The following NKD1 variants were observed in gnomAD, a reference collection of about 807,000 sequenced individuals.
NKD1 encodes the protein NKD inhibitor of Wnt signaling pathway 1, also known as protein naked cuticle homolog 1.
In NKD1, 21 loss-of-function variants were observed where a neutral mutation model predicts 56.0. The ratio of observed to expected loss-of-function variants is 0.38; its 90% CI spans 0.27 to 0.54. The LOEUF (loss-of-function observed/expected upper bound fraction) is 0.54. Ranked by LOEUF, NKD1 falls within the 20% of genes least tolerant of loss-of-function variation. The pLI is 0.82. For synonymous variants in NKD1, 263 were observed against 265.7 expected, an observed-to-expected ratio of 0.99 and a Z score of 0.10; for missense variants, 578 against 642.7, an observed-to-expected ratio of 0.90 and a Z score of 1.09.
intron 3 of NKD1, among the ~76,000 whole-genome samples, chr16:50,590,588 C>G (rs1407775880): frequency 6.6e-6 from 1 of 152,032 alleles, no homozygotes; most frequent in Non-Finnish European, 1.5e-5. Context: ...TTTAATGCTC[C>G]CAGCAACTCC....
In NKD1 at chr16:50,636,539, G is replaced by A. The variant is rs912295493; in HGVS notation, c.*2758G>A. On this transcript the variant is annotated 3_prime_UTR_variant, in exon 10 of 10. Coordinates refer to ENST00000268459, the MANE Select transcript of NKD1 (RefSeq NM_033119.5). ...GGCCCCTCAGTGTAATGTAGGGGTT[G>A]TGAGCACAGACTTTGGTGCCAGTTT... 6.6e-6 allele frequency: 1 copy of A among 152,196 alleles called. No homozygotes were observed. Among genetic ancestry groups the A allele is most frequent in the East Asian group, 1.9e-4 (1 of 5,192 alleles). 9.4% of individuals were successfully genotyped at this position (152,196 alleles called of 1,614,324 possible). A position where few individuals can be genotyped will look rare whatever the true frequency, so the allele number is the denominator to read the frequency against.
At chr16:50,616,987 C>G (rs370957185) in intron 4 of NKD1, among the ~76,000 whole-genome samples, 4 of 152,184 alleles carry the variant, frequency 2.6e-5, no homozygotes, top group Admixed American at 6.5e-5. Flanking sequence ...AGGAGCTCAC[C>G]CTGTTGTACT....
rs140225089 is a variant in NKD1, at chr16:50,561,933, G to A, written c.192+12378G>A. On this transcript the variant is annotated intron_variant, in intron 3 of 9. Coordinates refer to ENST00000268459, the MANE Select transcript of NKD1 (RefSeq NM_033119.5). ...TGTCCCTTGGGTTTAGGATCCTGGCGGTCACAGTTGGGTCTGGCAGGAACT... is the reference window on the plus strand; with the variant it reads ...TGTCCCTTGGGTTTAGGATCCTGGCAGTCACAGTTGGGTCTGGCAGGAACT... Among the ~76,000 whole-genome samples the A allele has an allele frequency of 3.5e-4, 53 of 152,240 alleles. No homozygotes were observed. In the East Asian group the frequency reaches 9.8e-3, roughly 28 times the overall value.
chr16:50,575,264 T>C, intron 3 of NKD1: 1 of 985,432 alleles, frequency 1.0e-6, no homozygotes, highest in Non-Finnish European at 1.2e-6. Context: ...TGGGGTAACG[T>C]TGGCACTAAA....
intron 3 of NKD1, chr16:50,553,730 G>A (rs1296832336): frequency 6.6e-6 from 1 of 152,286 alleles, no homozygotes; most frequent in Non-Finnish European, 1.5e-5. Context: ...TAAATATTTG[G>A]TGTTTCAGGA....
In NKD1 at chr16:50,642,880, T is replaced by TCC. The variant is rs1962605120; in HGVS notation, c.*9100_*9101insCC. 2 of 152,226 alleles carry TCC rather than the reference T, an allele frequency of 1.3e-5. No individual in the cohort carries two copies. The highest frequency in any genetic ancestry group is 2.9e-5 in the Non-Finnish European group (2 of 68,054). The allele number at this position is 152,226 out of a possible 1,614,324, so 9.4% of individuals were successfully genotyped here. On this transcript the variant is annotated 3_prime_UTR_variant, in exon 10 of 10. Coordinates refer to ENST00000268459, the MANE Select transcript of NKD1 (RefSeq NM_033119.5). ...CTTTTCCCTCTCAAGTTTGATGGGA[T>TCC]CACTCTGTTCCTTCCAGACCCGACT...
intron 3 of NKD1, among the ~76,000 whole-genome samples, chr16:50,562,989 C>CG (rs1274966656): frequency 1.7e-5 from 2 of 119,592 alleles, no homozygotes; most frequent in Non-Finnish European, 3.4e-5. Flanking sequence ...CACCACCACC[C>CG]CCCCCCCCCG....
intron 5 of NKD1, 169 bp from the exon 6 acceptor site, chr16:50,625,316 C>G (rs1350274145): frequency 1.6e-6 from 1 of 615,760 alleles, no homozygotes; most frequent in Non-Finnish European, 2.9e-6. Flanking sequence ...TCTGGCTGCC[C>G]TCCTGGGCCA....
Position 50,646,063 on chromosome 16 carries a change from A to G in NKD1, c.*12282A>G, listed in dbSNP as rs1405290222. ...CTAACAGACAGCCTGGGACCTTTGA[A>G]GTCGGTCTGGCCCAGTGGGGAGCGG... On this transcript the variant is annotated 3_prime_UTR_variant, in exon 10 of 10. Transcript: ENST00000268459. The G allele has an allele frequency of 8.1e-6, 1 of 123,498 alleles. No individual in the cohort carries two copies. Among genetic ancestry groups the G allele is most frequent in the Non-Finnish European group, 1.6e-5 (1 of 62,854 alleles). 7.7% of individuals were successfully genotyped at this position (123,498 alleles called of 1,614,324 possible). A position where few individuals can be genotyped will look rare whatever the true frequency, so the allele number is the denominator to read the frequency against.
At chr16:50,608,575 G>T in intron 4 of NKD1, 1 of 588,756 alleles carries the variant, frequency 1.7e-6, no homozygotes, top group Non-Finnish European at 3.1e-6. Flanking sequence ...GTGGGGGTCC[G>T]GTCACCTAGG....
chr16:50,613,906 T>A (rs576279856), intron 4 of NKD1, among the ~76,000 whole-genome samples: 1 of 152,344 alleles, frequency 6.6e-6, no homozygotes, highest in South Asian at 2.1e-4. Context: ...ACCAGCCTTA[T>A]GCTCTGATGA....
rs991810210 is a variant in NKD1 at position 50,642,239 on chromosome 16, C to T, written c.*8458C>T. 3 of 152,398 alleles carry T rather than the reference C, an allele frequency of 2.0e-5. No individual in the cohort carries two copies. Among genetic ancestry groups the T allele is most frequent in the East Asian group, 3.9e-4 (2 of 5,182 alleles). 9.4% of individuals were successfully genotyped at this position (152,398 alleles called of 1,614,324 possible). On this transcript the variant is annotated 3_prime_UTR_variant, in exon 10 of 10. Transcript: ENST00000268459. ...CTCAGTAGGAGTCTCAGGCCAGGCT[C>T]TGTCTGTGGATTCCCACTTCTCTGG...
chr16:50,576,544 G>C (rs1366553179), intron 3 of NKD1, among the ~76,000 whole-genome samples: 1 of 152,082 alleles, frequency 6.6e-6, no homozygotes, highest in Non-Finnish European at 1.5e-5. Flanking sequence ...CAGGATTTGG[G>C]GTGGAAGCCT....
At chr16:50,563,503 T>C (rs12927098) in intron 3 of NKD1, among the ~76,000 whole-genome samples, 898 of 61,954 alleles carry the variant, frequency 0.014, no homozygotes, top group South Asian at 0.018. Flanking sequence ...GGAGAAGACC[T>C]TGTGTGTCAG....
intron 3 of NKD1, among the ~76,000 whole-genome samples, chr16:50,602,898 C>T (rs941034084): frequency 6.6e-6 from 1 of 152,226 alleles, no homozygotes; most frequent in African/African-American, 2.4e-5. Context: ...TTCCTGACTG[C>T]AGGTTAACAG....
intron 3 of NKD1, among the ~76,000 whole-genome samples, chr16:50,603,110 T>C (rs1212201731): frequency 6.6e-6 from 1 of 152,242 alleles, no homozygotes; most frequent in Non-Finnish European, 1.5e-5. Context: ...CCTAGGCATG[T>C]TGTCTATGTT....
At chr16:50,628,108 C>T (rs565222702) in intron 6 of NKD1, among the ~76,000 whole-genome samples, 4 of 152,128 alleles carry the variant, frequency 2.6e-5, no homozygotes, top group Non-Finnish European at 4.4e-5. Flanking sequence ...GGGTCTCAAA[C>T]TTATGGCCCC....
intron 3 of NKD1, among the ~76,000 whole-genome samples, chr16:50,593,401 T>A (rs1300594014): frequency 6.6e-6 from 1 of 152,212 alleles, no homozygotes; most frequent in Non-Finnish European, 1.5e-5. Flanking sequence ...CTCGTGGCTC[T>A]GTTTTCCTGG....
intron 5 of NKD1, 26 bp downstream of exon 5, chr16:50,621,734 C>T (rs2151278890): frequency 5.1e-6 from 8 of 1,563,680 alleles, no homozygotes; most frequent in Non-Finnish European, 7.0e-6. Context: ...GTGCTGGGTC[C>T]TGAGGAGATG....
Sources: gnomAD v4.1 joint callset for allele counts (sites outside exome capture counted in the v4.1 genomes callset) on GRCh38, gnomAD v4.1.1 for gene constraint, MANE v1.5 for transcripts, NCBI Gene and HGNC (gene_info 2026-07-23, HGNC 2026-07-21) for gene names.